ROBO1: variants seen among roughly 807,000 people sequenced by gnomAD.
ROBO1 encodes roundabout homolog 1.
Under a neutral mutation model 195.9 loss-of-function variants are expected in ROBO1, and 149 were observed. The ratio of observed to expected loss-of-function variants is 0.76; its 90% confidence interval spans 0.67 to 0.87. The LOEUF (loss-of-function observed/expected upper bound fraction) is 0.87. Ranked by LOEUF, ROBO1 falls within the 40% of genes least tolerant of loss-of-function variation. The pLI is 0.00. For missense variants in ROBO1, 1,933 were observed against 2,068.3 expected, an observed-to-expected ratio of 0.93 and a Z score of 1.27; for synonymous variants, 816 against 733.2, an observed-to-expected ratio of 1.11 and a Z score of -1.82.
intron 4 of ROBO1, among the ~76,000 whole-genome samples, chr3:78,899,634 G>A (rs942632241): frequency 1.3e-5 from 2 of 152,020 alleles, no homozygotes; most frequent in African/African-American, 4.8e-5. Flanking sequence ...AATAAATTAA[G>A]ATCTTATATT....
intron 1 of ROBO1, among the ~76,000 whole-genome samples, chr3:79,715,370 C>A (rs539010087): frequency 1.3e-5 from 2 of 152,216 alleles, no homozygotes; most frequent in African/African-American, 2.4e-5. Flanking sequence ...GCCACAGTTA[C>A]CCCAACCTTC....
At chr3:79,039,192 A>G (rs1322078055) in intron 3 of ROBO1, among the ~76,000 whole-genome samples, 1 of 152,214 alleles carries the variant, frequency 6.6e-6, no homozygotes, top group Non-Finnish European at 1.5e-5. Flanking sequence ...TTTAATATCT[A>G]TTTCAAAAAA....
intron 4 of ROBO1, among the ~76,000 whole-genome samples, chr3:78,772,135 C>T (rs444992): frequency 0.31 from 46,685 of 151,770 alleles, 7,314 homozygotes; most frequent in East Asian, 0.5. Context: ...TGACCTAATA[C>T]GTATTTGCTT....
chr3:79,017,469 G>C (rs1559595367), intron 3 of ROBO1, among the ~76,000 whole-genome samples: 4 of 149,992 alleles, frequency 2.7e-5, no homozygotes, highest in African/African-American at 9.8e-5. Flanking sequence ...GTGTGTGTGT[G>C]TGTGTGTGTG....
At position 79,509,530 on chromosome 3, in the gene ROBO1, A is replaced by G. The variant is rs888891294; in HGVS notation, c.88+80294T>C. 2.0e-5 allele frequency among the ~76,000 whole-genome samples: 3 copies of G among 152,174 alleles called. 1 individual carries two copies. The highest frequency in any genetic ancestry group is 2.9e-5 in the Non-Finnish European group (2 of 68,020). On this transcript the variant is annotated intron_variant, in intron 2 of 30. Coordinates refer to ENST00000464233, the MANE Select transcript of ROBO1 (RefSeq NM_002941.4). Reference sequence around the variant, plus strand: ...TTCTAGGAACAGTCTTGAATTTATCATTTTAAAAATATTTCCGCCTTAATA... The same window carrying G: ...TTCTAGGAACAGTCTTGAATTTATCGTTTTAAAAATATTTCCGCCTTAATA...
At chr3:78,739,415 A>G (rs1376921679) in intron 5 of ROBO1, among the ~76,000 whole-genome samples, 1 of 152,182 alleles carries the variant, frequency 6.6e-6, no homozygotes, top group Non-Finnish European at 1.5e-5. Context: ...AAATGTGTGC[A>G]GCTAATGATA....
rs1940921115 is a variant in ROBO1 at position 79,515,853 on chromosome 3, A to C, written c.88+73971T>G. 2.6e-5 allele frequency among the ~76,000 whole-genome samples: 4 copies of C among 152,172 alleles called. No homozygotes were observed. The South Asian group carries it at 6.2e-4, about 24-fold the overall frequency. On this transcript the variant is annotated intron_variant, in intron 2 of 30. Coordinates refer to ENST00000464233, the MANE Select transcript of ROBO1 (RefSeq NM_002941.4). ...AGTCATTTTTAAAGGTATTTGGTTG[A>C]TGTGTTCACATATTCACATCTTTTG...
chr3:79,519,650 G>GAAAAAAAAAAA (rs1941120294), intron 2 of ROBO1, among the ~76,000 whole-genome samples: 1 of 89,572 alleles, frequency 1.1e-5, no homozygotes, highest in Admixed American at 1.1e-4. Flanking sequence ...AAAAAAAAAA[G>GAAAAAAAAAAA]AAAAGAAAAA....
intron 2 of ROBO1, among the ~76,000 whole-genome samples, chr3:79,419,986 CT>C (rs1360447669): frequency 6.6e-6 from 1 of 152,044 alleles, no homozygotes; most frequent in Non-Finnish European, 1.5e-5. Flanking sequence ...TTCTGGCTCT[CT>C]AATAAGCTGT....
At chr3:79,336,880 G>T (rs541276038) in intron 2 of ROBO1, among the ~76,000 whole-genome samples, 1 of 152,204 alleles carries the variant, frequency 6.6e-6, no homozygotes, top group Non-Finnish European at 1.5e-5. Context: ...TCTTGCATCA[G>T]TATGACCGGA....
chr3:79,099,864 G>T (rs2079643605), intron 3 of ROBO1, among the ~76,000 whole-genome samples: 1 of 151,644 alleles, frequency 6.6e-6, no homozygotes, highest in Non-Finnish European at 1.5e-5. Flanking sequence ...GATGTGTTTT[G>T]AGAGGAGGAA....
At position 78,932,147 on chromosome 3, in the gene ROBO1, AT is replaced by A. The variant is rs559639924; in HGVS notation, c.499+6453del. ...TATGAGAAAGATTTCTAGCATTTAA[AT>A]AATAAGCAAATTAGGAGGATTAAAA... On this transcript the variant is annotated intron_variant, in intron 4 of 30. Coordinates refer to ENST00000464233, the MANE Select transcript of ROBO1 (RefSeq NM_002941.4). Among the ~76,000 whole-genome samples, 140 of 152,316 alleles carry A rather than the reference AT, an allele frequency of 9.2e-4. 1 individual carries two copies. The highest frequency in any genetic ancestry group is 2.9e-3 in the African/African-American group (120 of 41,574).
At chr3:79,120,595 T>C (rs2080099009) in intron 3 of ROBO1, among the ~76,000 whole-genome samples, 1 of 152,086 alleles carries the variant, frequency 6.6e-6, no homozygotes, top group Non-Finnish European at 1.5e-5. Flanking sequence ...AAAAGAGTGA[T>C]GTAAGAAAGT....
At chr3:79,207,703 C>A (rs1294714054) in intron 2 of ROBO1, among the ~76,000 whole-genome samples, 1 of 151,622 alleles carries the variant, frequency 6.6e-6, no homozygotes, top group East Asian at 1.9e-4. Context: ...ACCAGGAAAT[C>A]CCTGTGAAAT....
At chr3:79,117,030 A>G (rs2080017277) in intron 3 of ROBO1, among the ~76,000 whole-genome samples, 1 of 152,184 alleles carries the variant, frequency 6.6e-6, no homozygotes, top group Admixed American at 6.6e-5. Flanking sequence ...TCTAAGAGCC[A>G]TAGTAGGATT....
intron 3 of ROBO1, among the ~76,000 whole-genome samples, chr3:79,108,873 C>T (rs17016752): frequency 1.6e-4 from 25 of 151,800 alleles, no homozygotes; most frequent in African/African-American, 5.8e-4. Context: ...ATCTAAATTG[C>T]ATTTGAAAAG....
intron 5 of ROBO1, among the ~76,000 whole-genome samples, chr3:78,729,934 A>C (rs1019460862): frequency 6.6e-6 from 1 of 152,214 alleles, no homozygotes; most frequent in African/African-American, 2.4e-5. Context: ...GTAAAAAACA[A>C]AGTCTTATGG....
chr3:79,732,060 G>A (rs1703171026), intron 1 of ROBO1, among the ~76,000 whole-genome samples: 1 of 151,920 alleles, frequency 6.6e-6, no homozygotes, highest in South Asian at 2.1e-4. Context: ...GATGAGGTAT[G>A]TATTAGTCTA....
At chr3:78,635,697 G>T in intron 23 of ROBO1, 76 bp downstream of exon 23, 1 of 1,270,734 alleles carries the variant, frequency 7.9e-7, no homozygotes, top group Non-Finnish European at 1.1e-6. Flanking sequence ...GCTAGTCGCA[G>T]ACAAGTTTCA....
Sources: gnomAD v4.1 joint callset for allele counts (sites outside exome capture counted in the v4.1 genomes callset) on GRCh38, gnomAD v4.1.1 for gene constraint, MANE v1.5 for transcripts, NCBI Gene and HGNC (gene_info 2026-07-23, HGNC 2026-07-21) for gene names.